Variants in VPS37A observed in about 807,000 individuals in gnomAD.
VPS37A encodes VPS37A subunit of ESCRT-I, also known as vacuolar protein sorting-associated protein 37A.
VPS37A carries 30 observed loss-of-function variants against 49.8 expected under a neutral mutation model. The observed-to-expected ratio is 0.60, with a 90% CI of 0.45 to 0.82. VPS37A has a LOEUF of 0.82. Among genes scored for constraint, VPS37A ranks in the 40% least tolerant of loss-of-function variants. The pLI is 0.00. For missense variants in VPS37A, 593 were observed against 464.4 expected (o/e 1.28, Z -2.55); for synonymous variants, 195 against 160.6 (o/e 1.21, Z -1.62).
chr8:17,266,094 T>G, intron 2 of VPS37A, 113 bp downstream of exon 2: 1 of 896,638 alleles, frequency 1.1e-6, no homozygotes, highest in Non-Finnish European at 1.7e-6. Context: ...GTAACTATAA[T>G]TTATAAAATA....
intron 11 of VPS37A, among the ~76,000 whole-genome samples, chr8:17,287,563 A>G (rs1815725899): frequency 6.6e-6 from 1 of 151,996 alleles, no homozygotes; most frequent in Non-Finnish European, 1.5e-5. Context: ...CTGTAGTCTC[A>G]GCTACTCGGG....
At chr8:17,304,584 T>C, downstream of VPS37A, 2 of 1,517,194 alleles carry the variant, frequency 1.3e-6, no homozygotes, top group African/African-American at 1.4e-5. Context: ...AGATATGTTA[T>C]ATTAATGCTG....
chr8:17,307,523 A>G, the VPS37A span, among the ~76,000 whole-genome samples: 1 of 152,202 alleles, frequency 6.6e-6, no homozygotes, highest in Non-Finnish European at 1.5e-5. Context: ...TGACCCAGCC[A>G]TCCCATTACT....
chr8:17,311,638 T>G, the VPS37A span: 1 of 1,613,898 alleles, frequency 6.2e-7, no homozygotes, highest in Non-Finnish European at 8.5e-7. Context: ...TGACACTGCC[T>G]AGAAAACACA....
intron 4 of VPS37A, among the ~76,000 whole-genome samples, chr8:17,271,708 A>G (rs1814010314): frequency 6.6e-6 from 1 of 152,166 alleles, no homozygotes; most frequent in African/African-American, 2.4e-5. Flanking sequence ...TTGGGCTTCC[A>G]GTGAGGCTGC....
At chr8:17,311,793 G>C in the VPS37A span, 4 of 1,162,104 alleles carry the variant, frequency 3.4e-6, no homozygotes, top group South Asian at 4.4e-5. Flanking sequence ...AATTAGGGCA[G>C]AGCCAGAGTG....
chr8:17,329,971 G>A, the VPS37A span, among the ~76,000 whole-genome samples: 1 of 152,150 alleles, frequency 6.6e-6, no homozygotes, highest in African/African-American at 2.4e-5. Context: ...GCTACAGAGG[G>A]GCATCAAACT....
chr8:17,308,808 G>A, the VPS37A span, among the ~76,000 whole-genome samples: 10 of 152,280 alleles, frequency 6.6e-5, no homozygotes, highest in African/African-American at 2.2e-4. Flanking sequence ...TCTGGAGTTG[G>A]ATATGTCTGG....
chr8:17,292,272 A>G (rs757538807), intron 11 of VPS37A, among the ~76,000 whole-genome samples: 1 of 152,160 alleles, frequency 6.6e-6, no homozygotes, highest in Non-Finnish European at 1.5e-5. Flanking sequence ...CTGTTTTATC[A>G]GAGACCAGGA....
At chr8:17,301,830 T>C (rs189070121), downstream of VPS37A, 102 of 380,706 alleles carry the variant, frequency 2.7e-4, no homozygotes, top group African/African-American at 1.9e-3. Context: ...TATTTGATTT[T>C]ATTCTGTTAC....
At chr8:17,319,417 A>C in the VPS37A span, among the ~76,000 whole-genome samples, 1 of 152,210 alleles carries the variant, frequency 6.6e-6, no homozygotes, top group Admixed American at 6.5e-5. Flanking sequence ...AGACTCACTC[A>C]AACATGTCAA....
At chr8:17,306,413 C>T (rs1341611619), downstream of VPS37A, among the ~76,000 whole-genome samples, 2 of 151,914 alleles carry the variant, frequency 1.3e-5, no homozygotes, top group Non-Finnish European at 2.9e-5. Flanking sequence ...AGTGGTTTCC[C>T]AAGTTGCCAA....
the VPS37A span, among the ~76,000 whole-genome samples, chr8:17,328,451 T>C: frequency 6.6e-6 from 1 of 151,446 alleles, no homozygotes; most frequent in Middle Eastern, 3.2e-3. Context: ...TTATCCTCAG[T>C]AAACTAACTC....
intron 1 of VPS37A, among the ~76,000 whole-genome samples, chr8:17,257,617 C>A (rs1005191150): frequency 1.3e-5 from 2 of 152,114 alleles, no homozygotes; most frequent in Non-Finnish European, 2.9e-5. Flanking sequence ...CACATGTACT[C>A]CAGAACCTAA....
At chr8:17,331,816 T>C in the VPS37A span, among the ~76,000 whole-genome samples, 1 of 152,164 alleles carries the variant, frequency 6.6e-6, no homozygotes, top group Middle Eastern at 3.2e-3. Flanking sequence ...AATTACTGAA[T>C]AAAATGAAGA....
At chr8:17,269,575 G>T (rs941152758) in intron 4 of VPS37A, among the ~76,000 whole-genome samples, 2 of 152,090 alleles carry the variant, frequency 1.3e-5, no homozygotes, top group African/African-American at 4.8e-5. Context: ...AAACCAGTAA[G>T]ATAATACCTG....
chr8:17,313,393 G>A, the VPS37A span: 3 of 1,607,938 alleles, frequency 1.9e-6, no homozygotes, highest in Non-Finnish European at 2.6e-6. Context: ...GGAGATTTAA[G>A]TTCACACACT....
At chr8:17,267,706 T>A (rs1362301191) in intron 2 of VPS37A, among the ~76,000 whole-genome samples, 1 of 152,224 alleles carries the variant, frequency 6.6e-6, no homozygotes, top group Non-Finnish European at 1.5e-5. Context: ...TACTTTAGTT[T>A]TTCAAAGATG....
intron 1 of VPS37A, chr8:17,247,760 A>G (rs1380946203): frequency 7.1e-6 from 5 of 702,478 alleles, no homozygotes; most frequent in Non-Finnish European, 1.3e-5. Context: ...GTGAAGAGTA[A>G]TCTCCAGGTT....
Sources: allele counts gnomAD v4.1 joint callset (sites outside exome capture counted in the v4.1 genomes callset), GRCh38; gene constraint gnomAD v4.1.1; transcripts MANE v1.5; gene names NCBI Gene and HGNC (gene_info 2026-07-23, HGNC 2026-07-21).